ACAP2: variants seen among roughly 807,000 people sequenced by gnomAD.
The protein encoded by ACAP2 is ArfGAP with coiled-coil, ankyrin repeat and PH domains 2.
In ACAP2, 39 loss-of-function variants were observed where a neutral mutation model predicts 115.8. The observed-to-expected ratio is 0.34, with a 90% CI of 0.26 to 0.44. The LOEUF is 0.44. Among genes scored for constraint, ACAP2 ranks in the 20% least tolerant of loss-of-function variants. ACAP2 has a pLI of 1.00. For synonymous variants in ACAP2, 289 were observed against 315.8 expected, an observed-to-expected ratio of 0.92 and a Z score of 0.90; for missense variants, 662 against 927.6, an observed-to-expected ratio of 0.71 and a Z score of 3.72.
Position 195,379,235 on chromosome 3 carries a change from T to C in ACAP2, c.285+1774A>G, listed in dbSNP as rs532610086. 3.9e-4 allele frequency among the ~76,000 whole-genome samples: 59 copies of C among 152,242 alleles called. No homozygotes were observed. In the Middle Eastern group the frequency reaches 0.017, roughly 44 times the overall value. ...AACCTAAGGGTAAATCTTTATAACC[T>C]TGAATTTGGCAATGGATTCCCTTAC... On this transcript the variant is annotated intron_variant, in intron 4 of 22. Coordinates refer to ENST00000326793, the MANE Select transcript of ACAP2 (RefSeq NM_012287.6).
intron 1 of ACAP2, among the ~76,000 whole-genome samples, chr3:195,437,706 T>C (rs1328531590): frequency 1.3e-5 from 2 of 149,678 alleles, no homozygotes; most frequent in East Asian, 4.0e-4. Context: ...TCCCAGCTAC[T>C]CGGGAGGCTG....
chr3:195,410,584 T>C (rs1180682246), intron 1 of ACAP2: 2 of 152,154 alleles, frequency 1.3e-5, no homozygotes, highest in Admixed American at 6.6e-5. Flanking sequence ...GATACAAGAA[T>C]GGGCAAAGGA....
At chr3:195,282,819 A>G (rs1726592232) in intron 22 of ACAP2, 2 of 152,232 alleles carry the variant, frequency 1.3e-5, no homozygotes, top group Non-Finnish European at 2.9e-5. Context: ...AGTTTTTAAA[A>G]TGCAGACTGC....
At chr3:195,352,956 C>A (rs1731709395) in intron 4 of ACAP2, among the ~76,000 whole-genome samples, 2 of 151,910 alleles carry the variant, frequency 1.3e-5, no homozygotes. Context: ...TGGCGCACAT[C>A]TGTAATCCTA....
chr3:195,351,525 GAT>G (rs1180828627), intron 4 of ACAP2, among the ~76,000 whole-genome samples: 2 of 149,906 alleles, frequency 1.3e-5, no homozygotes, highest in Admixed American at 1.3e-4. Context: ...GCAGTGGCGT[GAT>G]GTCAGCTCAC....
At chr3:195,327,837 A>T (rs979913953) in intron 8 of ACAP2, among the ~76,000 whole-genome samples, 5 of 152,092 alleles carry the variant, frequency 3.3e-5, no homozygotes, top group Non-Finnish European at 7.4e-5. Flanking sequence ...AGGCTGAGGC[A>T]GCAGAATCAC....
At chr3:195,428,592 T>C (rs1714867580) in intron 1 of ACAP2, among the ~76,000 whole-genome samples, 2 of 152,164 alleles carry the variant, frequency 1.3e-5, no homozygotes, top group Admixed American at 6.5e-5. Context: ...GGCTATATCA[T>C]ATACCCTAGA....
Position 195,294,690 on chromosome 3 carries a change from AATTAAC to A in ACAP2, c.1765+23_1765+28del. 2.2e-6 allele frequency: 3 copies of A among 1,363,324 alleles called. No individual in the cohort carries two copies. In the Middle Eastern group the frequency reaches 5.6e-4, roughly 257 times the overall value. 84.5% of individuals were successfully genotyped at this position (1,363,324 alleles called of 1,614,324 possible). ...CATGCACTTTCCAGCAAACAAAACC[AATTAAC>A]ATTGAGTTTCATCAGAACTCACCAG... is the stretch of plus-strand genomic sequence containing the variant. On this transcript the variant is annotated intron_variant, in intron 18 of 22. Coordinates refer to ENST00000326793, the MANE Select transcript of ACAP2 (RefSeq NM_012287.6).
intron 2 of ACAP2, among the ~76,000 whole-genome samples, chr3:195,385,245 TCA>T (rs764094942): frequency 3.2e-5 from 4 of 126,632 alleles, no homozygotes; most frequent in South Asian, 2.6e-4. Flanking sequence ...ATCTCTGTAT[TCA>T]AAAAAAAAAA....
At chr3:195,282,185 T>G (rs1726552172) in intron 22 of ACAP2, 2 of 152,226 alleles carry the variant, frequency 1.3e-5, no homozygotes, top group Non-Finnish European at 2.9e-5. Context: ...AAATGGTTTC[T>G]CCGGTTTTGT....
intron 1 of ACAP2, among the ~76,000 whole-genome samples, chr3:195,414,233 T>C (rs981277767): frequency 7.2e-5 from 11 of 152,170 alleles, no homozygotes; most frequent in African/African-American, 1.9e-4. Flanking sequence ...TGCACAGCCA[T>C]TTTGGAAGAC....
intron 18 of ACAP2, among the ~76,000 whole-genome samples, chr3:195,292,687 C>T (rs1283549252): frequency 6.6e-6 from 1 of 151,760 alleles, no homozygotes; most frequent in African/African-American, 2.4e-5. Context: ...TTTGGGAGGC[C>T]GAGGGGGGTG....
At chr3:195,360,855 A>C (rs915159162) in intron 4 of ACAP2, among the ~76,000 whole-genome samples, 5 of 152,048 alleles carry the variant, frequency 3.3e-5, no homozygotes, top group African/African-American at 1.2e-4. Context: ...CTATAGACCA[A>C]ACAGGCCTAA....
At position 195,278,117 on chromosome 3, in the gene ACAP2, A is replaced by G. The variant is rs1265267145; in HGVS notation, c.*1211T>C. 3 of 151,518 alleles carry G rather than the reference A, an allele frequency of 2.0e-5. No individual in the cohort carries two copies. The highest frequency in any genetic ancestry group is 6.6e-5 in the Admixed American group (1 of 15,220). The allele number at this position is 151,518 out of a possible 1,614,324, so 9.4% of individuals were successfully genotyped here. ...AAAAAAAAAGCAAATTAATTATTTT[A>G]TACTTTAAGACATTTTCAAAGATGG... On this transcript the variant is annotated 3_prime_UTR_variant, in exon 23 of 23. Transcript: ENST00000326793.
At chr3:195,292,503 A>G in intron 18 of ACAP2, 51 bp from the exon 19 acceptor site, 3 of 1,522,428 alleles carry the variant, frequency 2.0e-6, no homozygotes, top group Admixed American at 2.2e-5. Flanking sequence ...TGGCAGAAAA[A>G]GAAAAAATTA....
chr3:195,351,197 AACCTCC>A (rs369465163), intron 4 of ACAP2, among the ~76,000 whole-genome samples: 4,913 of 147,206 alleles, frequency 0.033, 271 homozygotes, highest in African/African-American at 0.12. Context: ...GGCTCACTGC[AACCTCC>A]GCCTCCCAGG....
chr3:195,344,095 G>A (rs185686052), intron 5 of ACAP2, among the ~76,000 whole-genome samples: 104 of 152,310 alleles, frequency 6.8e-4, no homozygotes, highest in Non-Finnish European at 1.2e-3. Context: ...GTCCACGCCT[G>A]TAGTCCTAAC....
At chr3:195,427,152 G>C (rs548322334) in intron 1 of ACAP2, among the ~76,000 whole-genome samples, 1 of 152,234 alleles carries the variant, frequency 6.6e-6, no homozygotes, top group Middle Eastern at 3.4e-3. Context: ...AGATGGAAAG[G>C]GGCCATGAGC....
chr3:195,356,615 G>A (rs763450745), intron 4 of ACAP2, among the ~76,000 whole-genome samples: 5 of 152,012 alleles, frequency 3.3e-5, no homozygotes, highest in Admixed American at 2.0e-4. Flanking sequence ...GGATAAACAG[G>A]ACTTTGTTTT....
Sources: allele counts gnomAD v4.1 joint callset (sites outside exome capture counted in the v4.1 genomes callset), GRCh38; gene constraint gnomAD v4.1.1; transcripts MANE v1.5; gene names NCBI Gene and HGNC (gene_info 2026-07-23, HGNC 2026-07-21).